Variants in UGT3A1 observed in about 807,000 individuals in gnomAD.
The protein encoded by UGT3A1 is UDP-glycosyltransferase 3A1.
UGT3A1 carries 40 observed loss-of-function variants against 37.6 expected under a neutral mutation model. The ratio of observed to expected loss-of-function variants is 1.06; its 90% confidence interval spans 0.83 to 1.38. The LOEUF (loss-of-function observed/expected upper bound fraction) is 1.38. Ranked by LOEUF, UGT3A1 falls within the 40% of genes most tolerant of loss-of-function variation. The pLI is 0.00. For missense variants in UGT3A1, 642 were observed against 634.2 expected (o/e 1.01, Z -0.13); for synonymous variants, 256 against 232.3 (o/e 1.10, Z -0.93).
upstream of UGT3A1, among the ~76,000 whole-genome samples, chr5:35,993,012 G>A (rs1173547232): frequency 6.6e-6 from 1 of 152,068 alleles, no homozygotes; most frequent in African/African-American, 2.4e-5. Flanking sequence ...TTTCACCGTG[G>A]CAATGCAAAT....
intron 2 of UGT3A1, among the ~76,000 whole-genome samples, chr5:35,971,182 G>A (rs1274729107): frequency 6.6e-6 from 1 of 152,044 alleles, no homozygotes; most frequent in East Asian, 1.9e-4. Flanking sequence ...ATTATAATGA[G>A]GATGTCCTCC....
At position 35,954,396 on chromosome 5, in the gene UGT3A1, C is replaced by T. The variant is rs529749983; in HGVS notation, c.1378G>A (p.Asp460Asn). ...GCTCCCCCAGTCTGGAGGATGTGGT[C>T]GATCCAGCCCACCAGCCGCTGTGCG... ...SPAQRLVGWI[D>N]HILQTGGATH... Residue 460 changes from aspartate to asparagine, a missense_variant, in exon 7 of 7, where the codon GAC becomes AAC. Asp to Asn is a conservative substitution (Grantham distance 23, BLOSUM62 1). Coordinates refer to ENST00000274278, the MANE Select transcript of UGT3A1 (RefSeq NM_152404.4). 4.3e-6 allele frequency: 7 copies of T among 1,614,196 alleles called. No homozygotes were observed. The Admixed American group carries it at 5.0e-5, about 12-fold the overall frequency.
intron 2 of UGT3A1, among the ~76,000 whole-genome samples, chr5:35,996,712 A>G (rs765713380): frequency 5.3e-5 from 8 of 152,242 alleles, no homozygotes; most frequent in Non-Finnish European, 1.2e-4. Flanking sequence ...TGTCCTGACA[A>G]TGTACCACAA....
chr5:35,982,108 A>G (rs1444011043), intron 2 of UGT3A1, among the ~76,000 whole-genome samples: 2 of 152,252 alleles, frequency 1.3e-5, no homozygotes, highest in Non-Finnish European at 1.5e-5. Flanking sequence ...TTCAGAGGAT[A>G]TATGAAAATG....
intron 4 of UGT3A1, chr5:35,963,097 G>A (rs1739655868): frequency 1.6e-6 from 1 of 621,900 alleles, no homozygotes. Flanking sequence ...CCACCCACAG[G>A]TGCCACTGTG....
Position 35,957,227 on chromosome 5 carries a change from C to A in UGT3A1, c.1036G>T (p.Val346Leu). 6.2e-7 allele frequency: 1 copy of A among 1,614,188 alleles called. No individual in the cohort carries two copies. The highest frequency in any genetic ancestry group is 8.5e-7 in the Non-Finnish European group (1 of 1,180,028). Residue 346 changes from valine to leucine, a missense_variant, in exon 5 of 7, where the codon GTG becomes TTG. By Grantham distance (32) the Val-to-Leu change is conservative. Transcript: ENST00000274278. ...WPRDVHLATN[V>L]KIVDWLPQSD... is the part of the protein sequence containing the mutation. ...TGAGGAAGCCAGTCCACAATTTTCA[C>A]ATTTGTGGCCAAATGAACATCTCTG...
intron 2 of UGT3A1, among the ~76,000 whole-genome samples, chr5:35,969,583 A>G (rs1270202298): frequency 1.3e-5 from 2 of 152,230 alleles, no homozygotes; most frequent in Non-Finnish European, 2.9e-5. Context: ...ATGCAAGAAC[A>G]AAAACTAAAA....
intron 2 of UGT3A1, among the ~76,000 whole-genome samples, chr5:35,986,799 T>C (rs536284946): frequency 6.6e-6 from 1 of 152,240 alleles, no homozygotes; most frequent in South Asian, 2.1e-4. Context: ...ATCTATTGTA[T>C]GTTTCAAAGT....
At chr5:35,968,224 T>G in intron 2 of UGT3A1, 91 bp from the exon 3 acceptor site, 1 of 772,492 alleles carries the variant, frequency 1.3e-6, no homozygotes. Flanking sequence ...ATTCTATTAA[T>G]TTTACATTTA....
upstream of UGT3A1, among the ~76,000 whole-genome samples, chr5:35,994,815 A>G (rs542842112): frequency 6.4e-4 from 98 of 152,302 alleles, no homozygotes; most frequent in South Asian, 0.02. Context: ...TAAGGTCTCT[A>G]AGACCCCGGA....
intron 2 of UGT3A1, among the ~76,000 whole-genome samples, chr5:35,979,654 C>A (rs533839932): frequency 2.0e-5 from 3 of 152,228 alleles, no homozygotes; most frequent in Non-Finnish European, 4.4e-5. Flanking sequence ...CTGTTCCAAC[C>A]TCTGCCTGTT....
At chr5:35,975,868 C>T (rs1740248330) in intron 2 of UGT3A1, among the ~76,000 whole-genome samples, 1 of 152,110 alleles carries the variant, frequency 6.6e-6, no homozygotes, top group Non-Finnish European at 1.5e-5. Context: ...GACACAGTTA[C>T]AGCTACAGGT....
At chr5:35,979,880 A>C (rs1740449205) in intron 2 of UGT3A1, among the ~76,000 whole-genome samples, 1 of 152,232 alleles carries the variant, frequency 6.6e-6, no homozygotes, top group Non-Finnish European at 1.5e-5. Context: ...GGCATGTCTT[A>C]CATCACAGCA....
intron 2 of UGT3A1, among the ~76,000 whole-genome samples, chr5:35,978,173 T>G (rs1282949154): frequency 1.3e-5 from 2 of 152,164 alleles, no homozygotes; most frequent in Non-Finnish European, 2.9e-5. Flanking sequence ...TAGCTGGGAT[T>G]ACAGGTGCAC....
intron 2 of UGT3A1, among the ~76,000 whole-genome samples, chr5:35,972,281 T>C (rs144420182): frequency 3.2e-4 from 48 of 152,252 alleles, no homozygotes; most frequent in African/African-American, 1.1e-3. Flanking sequence ...TAAGATAGAT[T>C]ACCCTCAGTA....
At chr5:35,997,820 G>A (rs987591523) in intron 1 of UGT3A1, among the ~76,000 whole-genome samples, 1 of 152,226 alleles carries the variant, frequency 6.6e-6, no homozygotes, top group Admixed American at 6.5e-5. Flanking sequence ...CAAGAAGATA[G>A]TCTATATTTA....
Position 35,991,099 on chromosome 5 carries a change from G to A in UGT3A1, c.94+48C>T, listed in dbSNP as rs376017557. The A allele has an allele frequency of 1.1e-5, 18 of 1,613,980 alleles. No homozygotes were observed. The African/African-American group carries it at 2.0e-4, about 18-fold the overall frequency. Reference sequence around the variant, plus strand: ...CCGTTCGCTGGAGCCCTGGCAGTGCGGGGATCCGGGACGCGCCTGTCTGGG... The same window carrying A: ...CCGTTCGCTGGAGCCCTGGCAGTGCAGGGATCCGGGACGCGCCTGTCTGGG... On this transcript the variant is annotated intron_variant, in intron 1 of 6. Transcript: ENST00000274278.
intron 2 of UGT3A1, among the ~76,000 whole-genome samples, chr5:35,978,451 G>A (rs1441090154): frequency 6.6e-6 from 1 of 152,184 alleles, no homozygotes; most frequent in Non-Finnish European, 1.5e-5. Context: ...CACAATCATG[G>A]CAGAAGGCGA....
At chr5:35,967,908 A>G in intron 3 of UGT3A1, 111 bp downstream of exon 3, 2 of 784,932 alleles carry the variant, frequency 2.5e-6, no homozygotes, top group Non-Finnish European at 4.2e-6. Context: ...CCATCTATCC[A>G]TCACCCACCC....
Sources: allele counts gnomAD v4.1 joint callset (sites outside exome capture counted in the v4.1 genomes callset), GRCh38; gene constraint gnomAD v4.1.1; transcripts MANE v1.5; gene names NCBI Gene and HGNC (gene_info 2026-07-23, HGNC 2026-07-21).